Variants in DENND5A observed in about 807,000 individuals in gnomAD.
The protein encoded by DENND5A is DENN domain-containing protein 5A.
Under a neutral mutation model 140.3 loss-of-function variants are expected in DENND5A, and 64 were observed. That is an observed-to-expected ratio of 0.46 (90% CI 0.37 to 0.56). The LOEUF (loss-of-function observed/expected upper bound fraction) is 0.56, where lower values mean the gene tolerates loss of function less well. Among genes scored for constraint, DENND5A ranks in the 20% least tolerant of loss-of-function variants. The probability of loss-of-function intolerance (pLI) is 0.00; values close to 1 mark genes in which losing one functional copy is unlikely to be tolerated. For synonymous variants in DENND5A, 605 were observed against 607.7 expected (o/e 1.00, Z 0.07); for missense variants, 1,292 against 1,593.8 (o/e 0.81, Z 3.22).
chr11:9,223,401 A>T (rs1456855018), intron 1 of DENND5A, among the ~76,000 whole-genome samples: 1 of 152,022 alleles, frequency 6.6e-6, no homozygotes, highest in Non-Finnish European at 1.5e-5. Context: ...TTAGCCAGGC[A>T]TGATGGCAGG....
chr11:9,253,096 C>A (rs866230360), intron 1 of DENND5A, among the ~76,000 whole-genome samples: 56 of 152,072 alleles, frequency 3.7e-4, no homozygotes, highest in African/African-American at 1.3e-3. Flanking sequence ...AAGCCATCCT[C>A]CCCCACTCGG....
At chr11:9,153,609 G>A (rs528290886) in intron 12 of DENND5A, among the ~76,000 whole-genome samples, 1 of 152,288 alleles carries the variant, frequency 6.6e-6, no homozygotes, top group Non-Finnish European at 1.5e-5. Flanking sequence ...TTAAGTGGGG[G>A]AAACTGTGGT....
intron 10 of DENND5A, 110 bp from the exon 11 acceptor site, chr11:9,166,077 T>C (rs1848181603): frequency 9.7e-7 from 1 of 1,035,912 alleles, no homozygotes; most frequent in Non-Finnish European, 1.4e-6. Flanking sequence ...TTTTCTTTTT[T>C]TTTCTTTTTC....
chr11:9,167,586 T>G (rs778671792), intron 10 of DENND5A, among the ~76,000 whole-genome samples: 2 of 151,736 alleles, frequency 1.3e-5, no homozygotes, highest in African/African-American at 2.4e-5. Flanking sequence ...GAGACCATCC[T>G]GGGCAACATG....
At chr11:9,172,057 G>A (rs1488236879) in intron 8 of DENND5A, 3 of 152,116 alleles carry the variant, frequency 2.0e-5, no homozygotes, top group Non-Finnish European at 4.4e-5. Flanking sequence ...CAGAGAGAGA[G>A]AAAAAACTGT....
intron 1 of DENND5A, among the ~76,000 whole-genome samples, chr11:9,256,025 CAAAAA>C (rs1164502361): frequency 1.2e-5 from 1 of 86,792 alleles, no homozygotes; most frequent in Non-Finnish European, 2.3e-5. Flanking sequence ...AACTCCATCT[CAAAAA>C]AAAAAAAAAA....
chr11:9,159,613 T>C (rs1342286306), intron 12 of DENND5A, among the ~76,000 whole-genome samples: 1 of 152,198 alleles, frequency 6.6e-6, no homozygotes, highest in Non-Finnish European at 1.5e-5. Flanking sequence ...CCACTGCGCC[T>C]GGCCTGCTAT....
chr11:9,263,848 C>CAAAAAAAA (rs57967676), intron 1 of DENND5A, among the ~76,000 whole-genome samples: 1 of 65,070 alleles, frequency 1.5e-5, no homozygotes, highest in Admixed American at 1.9e-4. Flanking sequence ...GACTCCGTCT[C>CAAAAAAAA]AAAAAAAAAA....
intron 1 of DENND5A, among the ~76,000 whole-genome samples, chr11:9,214,541 G>GA (rs1850010485): frequency 6.6e-6 from 1 of 152,126 alleles, no homozygotes; most frequent in Non-Finnish European, 1.5e-5. Flanking sequence ...ACATGAAATT[G>GA]ATTTTACAAC....
At chr11:9,178,072 A>T in intron 8 of DENND5A, 60 bp downstream of exon 8, 1 of 1,152,502 alleles carries the variant, frequency 8.7e-7, no homozygotes, top group Non-Finnish European at 1.3e-6. Flanking sequence ...ATTTAGGAAA[A>T]GGGACATGTT....
chr11:9,151,990 A>T (rs1847630807), intron 13 of DENND5A, among the ~76,000 whole-genome samples: 1 of 152,210 alleles, frequency 6.6e-6, no homozygotes, highest in Non-Finnish European at 1.5e-5. Context: ...AGCTCTCTTG[A>T]CTAACGGGAT....
At chr11:9,168,483 A>G (rs1171536607) in intron 10 of DENND5A, among the ~76,000 whole-genome samples, 1 of 152,200 alleles carries the variant, frequency 6.6e-6, no homozygotes, top group Non-Finnish European at 1.5e-5. Context: ...GTCCTTTATC[A>G]GCAACATGAA....
chr11:9,187,629 A>G (rs1000142066), intron 5 of DENND5A, among the ~76,000 whole-genome samples: 8 of 152,194 alleles, frequency 5.3e-5, no homozygotes, highest in Non-Finnish European at 1.2e-4. Context: ...AAATGGGGGA[A>G]AAGTAGGAAA....
intron 1 of DENND5A, among the ~76,000 whole-genome samples, chr11:9,262,898 C>A (rs944616553): frequency 2.0e-5 from 3 of 152,096 alleles, no homozygotes; most frequent in Non-Finnish European, 4.4e-5. Flanking sequence ...CCCGCCACCA[C>A]GCCCGGCTAA....
At chr11:9,195,077 T>TAGTC (rs1849276356) in intron 4 of DENND5A, among the ~76,000 whole-genome samples, 1 of 141,324 alleles carries the variant, frequency 7.1e-6, no homozygotes, top group African/African-American at 2.6e-5. Flanking sequence ...TAAAATTGAC[T>TAGTC]AGTTAAAACT....
chr11:9,194,368 C>A (rs1849245224), intron 4 of DENND5A, among the ~76,000 whole-genome samples: 1 of 152,100 alleles, frequency 6.6e-6, no homozygotes, highest in African/African-American at 2.4e-5. Flanking sequence ...AGTTCGAGAC[C>A]AGACTGGCCA....
intron 4 of DENND5A, among the ~76,000 whole-genome samples, chr11:9,196,055 C>T (rs1032938961): frequency 2.6e-5 from 4 of 152,108 alleles, no homozygotes; most frequent in African/African-American, 7.2e-5. Context: ...CAGGTTCAAG[C>T]GATTCTCTTG....
chr11:9,193,740 C>A, intron 4 of DENND5A, 59 bp from the exon 5 acceptor site: 1 of 1,414,712 alleles, frequency 7.1e-7, no homozygotes, highest in Non-Finnish European at 9.6e-7. Context: ...AAGGCACTTG[C>A]TTTCCAAACA....
intron 1 of DENND5A, among the ~76,000 whole-genome samples, chr11:9,219,597 G>A (rs1850230124): frequency 6.6e-6 from 1 of 152,210 alleles, no homozygotes; most frequent in Admixed American, 6.5e-5. Context: ...TGGGATGGAG[G>A]AAACTGGAGC....
Sources: allele counts gnomAD v4.1 joint callset (sites outside exome capture counted in the v4.1 genomes callset), GRCh38; gene constraint gnomAD v4.1.1; transcripts MANE v1.5; gene names NCBI Gene and HGNC (gene_info 2026-07-23, HGNC 2026-07-21).